Variants in GNAQ observed in about 807,000 individuals in gnomAD.
The protein encoded by GNAQ is guanine nucleotide-binding protein G(q) subunit alpha.
In GNAQ, 8 loss-of-function variants were observed where a neutral mutation model predicts 43.9. The observed-to-expected ratio is 0.18, with a 90% CI of 0.11 to 0.33. The LOEUF (loss-of-function observed/expected upper bound fraction) is 0.33. Ranked by LOEUF, GNAQ falls within the 10% of genes least tolerant of loss-of-function variation. The probability of loss-of-function intolerance (pLI) is 1.00; values close to 1 mark genes in which losing one functional copy is unlikely to be tolerated. For synonymous variants in GNAQ, 155 were observed against 170.7 expected, an observed-to-expected ratio of 0.91 and a Z score of 0.71; for missense variants, 158 against 450.8, an observed-to-expected ratio of 0.35 and a Z score of 5.88.
chr9:77,984,886 TA>T (rs1195698157), intron 1 of GNAQ, among the ~76,000 whole-genome samples: 1 of 152,122 alleles, frequency 6.6e-6, no homozygotes, highest in East Asian at 1.9e-4. Flanking sequence ...TTCAGGTATT[TA>T]AGAGGTGAGA....
intron 2 of GNAQ, among the ~76,000 whole-genome samples, chr9:77,855,356 A>C (rs1827736472): frequency 1.3e-5 from 2 of 152,162 alleles, no homozygotes; most frequent in African/African-American, 4.8e-5. Context: ...GTCCCTTGTA[A>C]AAAATAAAAA....
chr9:77,753,885 T>C (rs1037225601), intron 5 of GNAQ, among the ~76,000 whole-genome samples: 2 of 152,210 alleles, frequency 1.3e-5, no homozygotes, highest in African/African-American at 4.8e-5. Flanking sequence ...CAACATTAAA[T>C]TACCCTGTGT....
intron 6 of GNAQ, 137 bp downstream of exon 6, chr9:77,728,377 T>C (rs1176350380): frequency 1.5e-6 from 1 of 689,104 alleles, no homozygotes; most frequent in African/African-American, 1.8e-5. Context: ...CAAGAATTCC[T>C]ACTGTATCAG....
chr9:77,759,796 TC>T (rs1368876102), intron 5 of GNAQ, among the ~76,000 whole-genome samples: 2 of 152,170 alleles, frequency 1.3e-5, no homozygotes, highest in African/African-American at 4.8e-5. Context: ...TCCAAAAGGC[TC>T]AGTTTTCTGA....
At chr9:77,745,603 C>CAT (rs1825716774) in intron 5 of GNAQ, among the ~76,000 whole-genome samples, 1 of 7,616 alleles carries the variant, frequency 1.3e-4, no homozygotes, top group Non-Finnish European at 3.5e-4. Context: ...GCAGGTCATG[C>CAT]ACACACACAA....
chr9:77,861,160 G>A (rs1827843559), intron 2 of GNAQ, among the ~76,000 whole-genome samples: 1 of 152,180 alleles, frequency 6.6e-6, no homozygotes, highest in Non-Finnish European at 1.5e-5. Context: ...AGCAGGCAAA[G>A]AGAGAGAGCT....
chr9:77,830,023 G>A (rs1349115648), intron 2 of GNAQ, among the ~76,000 whole-genome samples: 2 of 152,048 alleles, frequency 1.3e-5, no homozygotes, highest in African/African-American at 2.4e-5. Context: ...CACGATCATA[G>A]CTCACTACAG....
intron 5 of GNAQ, among the ~76,000 whole-genome samples, chr9:77,737,359 C>T (rs192911453): frequency 2.5e-4 from 38 of 152,324 alleles, no homozygotes; most frequent in Admixed American, 1.2e-3. Context: ...TTGTAAGTGA[C>T]GTTTCCCTCT....
chr9:77,849,479 G>A (rs1827639304), intron 2 of GNAQ, among the ~76,000 whole-genome samples: 1 of 152,046 alleles, frequency 6.6e-6, no homozygotes, highest in South Asian at 2.1e-4. Flanking sequence ...CTGACCCCAT[G>A]GGTACCTTAC....
chr9:78,017,919 T>G (rs567574413), intron 1 of GNAQ, among the ~76,000 whole-genome samples: 1 of 152,184 alleles, frequency 6.6e-6, no homozygotes, highest in Non-Finnish European at 1.5e-5. Context: ...TTATGTACCA[T>G]TTTTGCCTCC....
intron 5 of GNAQ, among the ~76,000 whole-genome samples, chr9:77,729,772 T>C (rs1045305915): frequency 6.6e-6 from 1 of 152,204 alleles, no homozygotes; most frequent in Admixed American, 6.5e-5. Flanking sequence ...CTGCCTGGGA[T>C]TGTGCCCACC....
At chr9:77,775,240 C>T (rs1432607312) in intron 5 of GNAQ, among the ~76,000 whole-genome samples, 1 of 152,062 alleles carries the variant, frequency 6.6e-6, no homozygotes, top group Admixed American at 6.6e-5. Context: ...GTCTTTGGGA[C>T]ATGTAACCTA....
rs183567451 is a variant in GNAQ, at chr9:77,866,199, C to T, written c.322-50429G>A. On this transcript the variant is annotated intron_variant, in intron 2 of 6. Transcript: ENST00000286548. ...ATTTAAAAAAAACAAAAATTTAGGC[C>T]GGGTGTGGTGGCTCACACCTGTAAT... Among the ~76,000 whole-genome samples, 903 of 152,192 alleles carry T rather than the reference C, an allele frequency of 5.9e-3. 6 individuals carry two copies. The highest frequency in any genetic ancestry group is 0.02 in the African/African-American group (842 of 41,518).
chr9:77,912,927 GGAGTTCTTGACCAGCCTGGGCAACA>G lies in GNAQ; in HGVS notation c.321+9209_321+9233del, dbSNP rs1156597388. On this transcript the variant is annotated intron_variant, in intron 2 of 6. Transcript: ENST00000286548. ...GTGGTGAAAGGACTGCTTGAGCCCA[GGAGTTCTTGACCAGCCTGGGCAACA>G]TAGCTGAGACCCAGTCTCAAACACA... Among the ~76,000 whole-genome samples the G allele has an allele frequency of 2.0e-5, 3 of 152,146 alleles. No homozygotes were observed. The East Asian group carries it at 5.8e-4, about 29-fold the overall frequency.
At chr9:77,876,969 C>T (rs191758322) in intron 2 of GNAQ, among the ~76,000 whole-genome samples, 1,607 of 152,140 alleles carry the variant, frequency 0.011, 16 homozygotes, top group Non-Finnish European at 0.017. Context: ...TTAAAACAGA[C>T]GGCCATATCT....
intron 6 of GNAQ, among the ~76,000 whole-genome samples, chr9:77,723,487 T>C (rs915448992): frequency 2.6e-5 from 4 of 152,206 alleles, no homozygotes; most frequent in Non-Finnish European, 5.9e-5. Flanking sequence ...AATAGCAGCA[T>C]TGTTAACAAC....
intron 2 of GNAQ, among the ~76,000 whole-genome samples, chr9:77,821,724 G>GAGGTGT (rs1827116575): frequency 7.0e-6 from 1 of 142,308 alleles, no homozygotes; most frequent in African/African-American, 2.7e-5. Flanking sequence ...TCCTAGTATG[G>GAGGTGT]GTGTGTGTGT....
chr9:78,030,064 AT>A (rs887901981), intron 1 of GNAQ, among the ~76,000 whole-genome samples: 19 of 151,730 alleles, frequency 1.3e-4, no homozygotes, highest in African/African-American at 4.4e-4. Context: ...TTGAAGCAGA[AT>A]TTTTTTTTCA....
At chr9:78,002,468 T>C (rs1465866805) in intron 1 of GNAQ, among the ~76,000 whole-genome samples, 1 of 152,156 alleles carries the variant, frequency 6.6e-6, no homozygotes, top group African/African-American at 2.4e-5. Flanking sequence ...GCCTCTCCCA[T>C]TAACTTCAGG....
Sources: allele counts gnomAD v4.1 joint callset (sites outside exome capture counted in the v4.1 genomes callset), GRCh38; gene constraint gnomAD v4.1.1; transcripts MANE v1.5; gene names NCBI Gene and HGNC (gene_info 2026-07-23, HGNC 2026-07-21).